The following NECTIN1 variants were observed in gnomAD, a reference collection of about 807,000 sequenced individuals.
NECTIN1 encodes the protein nectin-1.
In NECTIN1, 23 loss-of-function variants were observed where a neutral mutation model predicts 48.0. The ratio of observed to expected loss-of-function variants is 0.48; its 90% confidence interval spans 0.34 to 0.68. The LOEUF (loss-of-function observed/expected upper bound fraction) is 0.68, where lower values mean the gene tolerates loss of function less well. NECTIN1 is among the 30% of genes least tolerant of loss of function. The probability of loss-of-function intolerance (pLI) is 0.01; values close to 1 mark genes in which losing one functional copy is unlikely to be tolerated. For missense variants in NECTIN1, 591 were observed against 709.9 expected (o/e 0.83, Z 1.90); for synonymous variants, 270 against 288.9 (o/e 0.93, Z 0.66).
chr11:119,688,725 T>C (rs1865204099), intron 1 of NECTIN1, among the ~76,000 whole-genome samples: 1 of 151,638 alleles, frequency 6.6e-6, no homozygotes, highest in Non-Finnish European at 1.5e-5. Flanking sequence ...GGCACTCTGG[T>C]GGGGAACTGT....
chr11:119,725,764 A>G (rs748521591), intron 1 of NECTIN1, among the ~76,000 whole-genome samples: 2 of 152,196 alleles, frequency 1.3e-5, no homozygotes, highest in Non-Finnish European at 2.9e-5. Context: ...GAGGGTGTGC[A>G]TGACACCTGG....
At chr11:119,668,508 T>C (rs781305027) in intron 5 of NECTIN1, among the ~76,000 whole-genome samples, 1 of 152,222 alleles carries the variant, frequency 6.6e-6, no homozygotes, top group Non-Finnish European at 1.5e-5. Context: ...GTTATCCAAG[T>C]TGATTCCTTA....
intron 1 of NECTIN1, among the ~76,000 whole-genome samples, chr11:119,701,520 C>G (rs1865451811): frequency 6.6e-6 from 1 of 151,990 alleles, no homozygotes; most frequent in Non-Finnish European, 1.5e-5. Context: ...GACCACAGAC[C>G]CCCTTTGAGT....
intron 4 of NECTIN1, 199 bp downstream of exon 4, chr11:119,676,903 T>G (rs1591457308): frequency 1.6e-6 from 1 of 625,236 alleles, no homozygotes; most frequent in African/African-American, 1.8e-5. Flanking sequence ...CCATTGACCT[T>G]GACACTGTCA....
downstream of NECTIN1, among the ~76,000 whole-genome samples, chr11:119,658,434 A>G (rs374928143): frequency 1.7e-3 from 259 of 152,282 alleles, no homozygotes; most frequent in Middle Eastern, 6.8e-3. Context: ...GGTAGAACCC[A>G]AGGACTGCTC....
intron 1 of NECTIN1, among the ~76,000 whole-genome samples, chr11:119,695,464 T>C (rs4938710): frequency 0.38 from 57,690 of 150,872 alleles, 11,308 homozygotes; most frequent in East Asian, 0.51. Context: ...GGCTGTGCCA[T>C]GAAGACAGAC....
At chr11:119,676,928 GTA>G (rs1187681375) in intron 4 of NECTIN1, 172 bp downstream of exon 4, 2 of 672,456 alleles carry the variant, frequency 3.0e-6, no homozygotes, top group Admixed American at 2.1e-5. Flanking sequence ...TGGACGTAAT[GTA>G]TATGTGTGTG....
chr11:119,670,119 C>T (rs145113109), intron 5 of NECTIN1, among the ~76,000 whole-genome samples: 2,353 of 152,126 alleles, frequency 0.015, 35 homozygotes, highest in Middle Eastern at 0.034. Context: ...CCACCACACC[C>T]GGCTAATTTT....
At position 119,664,200 on chromosome 11, in the gene NECTIN1, C is replaced by T. The variant is rs1213325181; in HGVS notation, c.*547G>A. 1.3e-5 allele frequency: 13 copies of T among 987,060 alleles called. No individual in the cohort carries two copies. The South Asian group carries it at 4.7e-4, about 36-fold the overall frequency. The allele number at this position is 987,060 out of a possible 1,614,324, so 61.1% of individuals were successfully genotyped here. A position where few individuals can be genotyped will look rare whatever the true frequency, so the allele number is the denominator to read the frequency against. On this transcript the variant is annotated 3_prime_UTR_variant, in exon 6 of 6. Transcript: ENST00000264025. The stretch of plus-strand genomic sequence containing the variant: ...GGGAGAAGCCGCACCCCTCCCCCTA[C>T]CTCTTGGGCGCACCAGCTGTCTAGA...
intron 5 of NECTIN1, among the ~76,000 whole-genome samples, chr11:119,646,108 C>T (rs1457168594): frequency 6.6e-6 from 1 of 152,198 alleles, no homozygotes; most frequent in Non-Finnish European, 1.5e-5. Flanking sequence ...GCATTTCAGC[C>T]TTGTGTCTGT....
intron 1 of NECTIN1, among the ~76,000 whole-genome samples, chr11:119,721,593 T>C (rs906638327): frequency 2.0e-5 from 3 of 152,170 alleles, no homozygotes; most frequent in Non-Finnish European, 4.4e-5. Flanking sequence ...GAGAATGAAA[T>C]TGGGGTCTGT....
At chr11:119,680,805 T>C (rs1273841334) in intron 1 of NECTIN1, among the ~76,000 whole-genome samples, 3 of 149,096 alleles carry the variant, frequency 2.0e-5, no homozygotes, top group African/African-American at 7.3e-5. Flanking sequence ...CCTCCAGCTG[T>C]TCCCTCTGCC....
chr11:119,651,535 C>T (rs967252343), intron 5 of NECTIN1, among the ~76,000 whole-genome samples: 5 of 152,094 alleles, frequency 3.3e-5, no homozygotes, highest in Admixed American at 2.0e-4. Context: ...CTTCTCTGCT[C>T]CCCTCTCGTG....
At position 119,683,512 on chromosome 11, in the gene NECTIN1, C is replaced by A. The variant is rs1293929488; in HGVS notation, c.80-4747G>T. Among the ~76,000 whole-genome samples, 1 of 151,932 alleles carries A rather than the reference C, an allele frequency of 6.6e-6. No homozygotes were observed. The highest frequency in any genetic ancestry group is 2.4e-5 in the African/African-American group (1 of 41,344). ...TACAATACTGGGGTGGCCATTGCAT[C>A]TGCAGGTCACCTGACTGGGTGTCAG... On this transcript the variant is annotated intron_variant, in intron 1 of 5. Transcript: ENST00000264025. The surrounding 1 kb of genome is among the most constrained non-coding windows in gnomAD (Gnocchi z 4.0).
chr11:119,677,244 A>T lies in NECTIN1; in HGVS notation c.734-25T>A. 1 of 1,592,378 alleles carries T rather than the reference A, an allele frequency of 6.3e-7. No individual in the cohort carries two copies. Among genetic ancestry groups the T allele is most frequent in the Admixed American group, 1.7e-5 (1 of 59,982 alleles). ...TCTGTGGGGCAAGGGATGTTTGAAG[A>T]GGGTGAGGTCAGGAGAGCGGGACTT... On this transcript the variant is annotated intron_variant, in intron 3 of 5. Transcript: ENST00000264025. This position sits in a 1 kb window ranked among gnomAD's most constrained non-coding sequence, Gnocchi z 5.4.
intron 1 of NECTIN1, among the ~76,000 whole-genome samples, chr11:119,682,965 C>G (rs919315486): frequency 1.3e-5 from 2 of 152,192 alleles, no homozygotes; most frequent in Non-Finnish European, 2.9e-5. Flanking sequence ...CTGACCTGTA[C>G]CCCTTTATTT....
At chr11:119,671,821 T>C (rs1470671087) in intron 5 of NECTIN1, among the ~76,000 whole-genome samples, 1 of 152,114 alleles carries the variant, frequency 6.6e-6, no homozygotes, top group East Asian at 1.9e-4. Flanking sequence ...AACCGAATCC[T>C]CCCAGAGGCA....
intron 6 of NECTIN1, chr11:119,639,459 C>T: frequency 3.3e-6 from 1 of 299,200 alleles, no homozygotes; most frequent in South Asian, 3.7e-5. Context: ...TGGCTCCCCC[C>T]ATATACTTTG....
At chr11:119,687,454 GAGGCCAAGATTCAGGC>G (rs1865177669) in intron 1 of NECTIN1, 1 of 152,170 alleles carries the variant, frequency 6.6e-6, no homozygotes, top group Non-Finnish European at 1.5e-5. Flanking sequence ...CCCTGGCTCT[GAGGCCAAGATTCAGGC>G]AGGTCCCATT....
Sources: allele counts gnomAD v4.1 joint callset (sites outside exome capture counted in the v4.1 genomes callset), GRCh38; gene constraint gnomAD v4.1.1; non-coding constraint Gnocchi (gnomAD v3.1); transcripts MANE v1.5; gene names NCBI Gene and HGNC (gene_info 2026-07-23, HGNC 2026-07-21).